Variants in GSE1 observed in about 807,000 individuals in gnomAD.
GSE1 encodes the protein genetic suppressor element 1.
Under a neutral mutation model 112.6 loss-of-function variants are expected in GSE1, and 32 were observed. The observed-to-expected ratio is 0.28, with a 90% CI of 0.21 to 0.38. The LOEUF is 0.38. Ranked by LOEUF, GSE1 falls within the 10% of genes least tolerant of loss-of-function variation. The pLI is 1.00. For missense variants in GSE1, 2,348 were observed against 1,699.2 expected, an observed-to-expected ratio of 1.38 and a Z score of -6.71; for synonymous variants, 1,115 against 735.6, an observed-to-expected ratio of 1.52 and a Z score of -8.35.
chr16:85,509,115 C>T (rs537265806), intron 2 of GSE1, among the ~76,000 whole-genome samples: 2 of 152,188 alleles, frequency 1.3e-5, no homozygotes, highest in Non-Finnish European at 2.9e-5. Flanking sequence ...GGGCGAGACA[C>T]GGACAAAGGC....
At chr16:85,342,748 G>A (rs1319624936) in intron 1 of GSE1, among the ~76,000 whole-genome samples, 1 of 152,074 alleles carries the variant, frequency 6.6e-6, no homozygotes, top group Non-Finnish European at 1.5e-5. Flanking sequence ...ATAGCCACTG[G>A]CCTCCCCAGC....
chr16:85,612,988 CGA>C (rs1419546380), upstream of GSE1, among the ~76,000 whole-genome samples: 1 of 152,192 alleles, frequency 6.6e-6, no homozygotes, highest in Non-Finnish European at 1.5e-5. Context: ...CAGGGGCTCC[CGA>C]GAGTGTGGGG....
intron 2 of GSE1, among the ~76,000 whole-genome samples, chr16:85,385,744 G>A (rs1027671496): frequency 6.6e-6 from 1 of 152,218 alleles, no homozygotes; most frequent in Non-Finnish European, 1.5e-5. Flanking sequence ...GAGCCCTTCC[G>A]AGGCCTCGGC....
At chr16:85,577,560 A>T (rs1419462507) in intron 1 of GSE1, among the ~76,000 whole-genome samples, 1 of 152,134 alleles carries the variant, frequency 6.6e-6, no homozygotes, top group East Asian at 1.9e-4. Flanking sequence ...GCACTAGCCC[A>T]GGAGGCAGCG....
intron 2 of GSE1, among the ~76,000 whole-genome samples, chr16:85,637,188 C>T (rs966791172): frequency 2.1e-4 from 32 of 152,214 alleles, no homozygotes; most frequent in African/African-American, 7.5e-4. Context: ...CGCCCTCCCC[C>T]AGCCCCCGGC....
intron 1 of GSE1, among the ~76,000 whole-genome samples, chr16:85,199,366 G>T (rs989638271): frequency 6.6e-6 from 1 of 152,196 alleles, no homozygotes; most frequent in African/African-American, 2.4e-5. Context: ...GATTACAGGC[G>T]AGAGCCACAG....
chr16:85,566,098 A>G (rs565051656), intron 1 of GSE1, among the ~76,000 whole-genome samples: 125 of 152,300 alleles, frequency 8.2e-4, no homozygotes, highest in African/African-American at 2.9e-3. Flanking sequence ...CGATGAGTTA[A>G]CTGGCAGAAG....
chr16:85,255,167 A>AGCCCAGCCTGCTGTCCACACC (rs1159112212), intron 1 of GSE1, among the ~76,000 whole-genome samples: 7 of 152,200 alleles, frequency 4.6e-5, no homozygotes, highest in African/African-American at 1.7e-4. Context: ...GAGTGGCAGA[A>AGCCCAGCCTGCTGTCCACACC]GCCCAGCCTG....
chr16:85,262,242 A>C (rs574898340), intron 1 of GSE1, among the ~76,000 whole-genome samples: 3 of 152,228 alleles, frequency 2.0e-5, no homozygotes, highest in Non-Finnish European at 4.4e-5. Flanking sequence ...TGTCAGAGGC[A>C]ATCTGCTTCC....
intron 1 of GSE1, among the ~76,000 whole-genome samples, chr16:85,628,463 G>T: frequency 6.6e-6 from 1 of 152,278 alleles, no homozygotes; most frequent in East Asian, 1.9e-4. Context: ...CTGTCAGGAT[G>T]CCAGTGGGCT....
At chr16:85,626,168 G>T (rs1008918660) in intron 1 of GSE1, among the ~76,000 whole-genome samples, 1 of 152,094 alleles carries the variant, frequency 6.6e-6, no homozygotes, top group Non-Finnish European at 1.5e-5. Context: ...CAAGCAGGCT[G>T]CCCCCATGTG....
chr16:85,378,820 C>T (rs1189775422), intron 2 of GSE1, among the ~76,000 whole-genome samples: 1 of 152,208 alleles, frequency 6.6e-6, no homozygotes, highest in African/African-American at 2.4e-5. Context: ...TACCCCCGTG[C>T]TGCTCTGCAG....
intron 2 of GSE1, among the ~76,000 whole-genome samples, chr16:85,422,966 T>G (rs1320928010): frequency 6.6e-6 from 1 of 152,156 alleles, no homozygotes; most frequent in East Asian, 1.9e-4. Flanking sequence ...GAGCTAATAT[T>G]GAACTTGCCT....
At chr16:85,535,616 G>A (rs1431676399) in intron 2 of GSE1, among the ~76,000 whole-genome samples, 1 of 152,202 alleles carries the variant, frequency 6.6e-6, no homozygotes, top group Non-Finnish European at 1.5e-5. Flanking sequence ...AAGGCTGCTT[G>A]GGGGTTGGGG....
intron 1 of GSE1, among the ~76,000 whole-genome samples, chr16:85,295,215 C>T (rs561465956): frequency 3.1e-4 from 47 of 152,362 alleles, no homozygotes; most frequent in African/African-American, 1.1e-3. Context: ...TCCGCACACA[C>T]CGGTCCACCT....
intron 2 of GSE1, among the ~76,000 whole-genome samples, chr16:85,398,964 G>GGT (rs749532465): frequency 3.9e-5 from 6 of 152,086 alleles, no homozygotes; most frequent in Non-Finnish European, 8.8e-5. Flanking sequence ...TGTGCCTCTG[G>GGT]GTGTGTGTGT....
chr16:85,593,757 A>T (rs997560201), intron 1 of GSE1: 1 of 152,244 alleles, frequency 6.6e-6, no homozygotes, highest in Admixed American at 6.5e-5. Context: ...CTGCAGAAAG[A>T]TCATGTGGTT....
chr16:85,617,608 C>T (rs1022590954), intron 1 of GSE1, among the ~76,000 whole-genome samples: 1,352 of 115,474 alleles, frequency 0.012, 165 homozygotes, highest in African/African-American at 0.04. Context: ...CCCCCCCCCC[C>T]CCCGTTAACT....
intron 1 of GSE1, among the ~76,000 whole-genome samples, chr16:85,215,124 A>G (rs891784404): frequency 1.3e-5 from 2 of 152,192 alleles, no homozygotes; most frequent in African/African-American, 4.8e-5. Context: ...GCCAGAAGTT[A>G]AGTGGTTAAA....
Sources: gnomAD v4.1 joint callset for allele counts (sites outside exome capture counted in the v4.1 genomes callset) on GRCh38, gnomAD v4.1.1 for gene constraint, MANE v1.5 for transcripts, NCBI Gene and HGNC (gene_info 2026-07-23, HGNC 2026-07-21) for gene names.